Variants in ACADVL observed in about 807,000 individuals in gnomAD.
ACADVL encodes acyl-CoA dehydrogenase very long chain, also known as very long-chain acyl-CoA dehydrogenase, mitochondrial.
In ACADVL, 73 loss-of-function variants were observed where a neutral mutation model predicts 80.4. That is an observed-to-expected ratio of 0.91 (90% CI 0.75 to 1.10). The LOEUF (loss-of-function observed/expected upper bound fraction) is 1.10, where lower values mean the gene tolerates loss of function less well. Among genes scored for constraint, ACADVL ranks in the 50% least tolerant of loss-of-function variants. The pLI is 0.00. For synonymous variants in ACADVL, 392 were observed against 326.5 expected (o/e 1.20, Z -2.16); for missense variants, 878 against 858.9 (o/e 1.02, Z -0.28).
rs772517697 is a variant in ACADVL at position 7,222,164 on chromosome 17, C to T, written c.753-13C>T. ...CCCGTCCTCCACGCCCTGAATATCC[C>T]ATTCTTCCACAGTAATGGGGGCCTA... On this transcript the variant is annotated splice_polypyrimidine_tract_variant and intron_variant, in intron 8 of 19. Coordinates refer to ENST00000356839, the MANE Select transcript of ACADVL (RefSeq NM_000018.4). The T allele has an allele frequency of 6.2e-6, 10 of 1,614,190 alleles. No homozygotes were observed. The highest frequency in any genetic ancestry group is 8.5e-6 in the Non-Finnish European group (10 of 1,180,042).
chr17:7,224,666 TG>T lies in ACADVL; in HGVS notation c.1705del (p.Ala569GlnfsTer21). On this transcript the variant is annotated frameshift_variant, in exon 18 of 20. Coordinates refer to ENST00000356839, the MANE Select transcript of ACADVL (RefSeq NM_000018.4). LOFTEE classifies it high-confidence loss of function. The part of the protein sequence containing the change: ...IVNEQFLLQR[L>X]ADGAIDLYAM... ...GATGAACAGTTTCTGCTGCAGCGGC[TG>T]GCAGACGGGGCCATCGACCTCTATG... The T allele has an allele frequency of 1.5e-6, 2 of 1,308,696 alleles. No individual in the cohort carries two copies. The highest frequency in any genetic ancestry group is 2.0e-6 in the Non-Finnish European group (2 of 1,001,692). The allele number at this position is 1,308,696 out of a possible 1,614,324, so 81.1% of individuals were successfully genotyped here.
intron 17 of ACADVL, 33 bp from the exon 18 acceptor site, chr17:7,224,609 C>G: frequency 9.5e-7 from 1 of 1,057,160 alleles, no homozygotes; most frequent in Non-Finnish European, 1.3e-6. Context: ...GACTAATGCC[C>G]CCACCCCCAC....
upstream of ACADVL, chr17:7,219,860 C>G (rs748217172): frequency 7.1e-6 from 11 of 1,538,892 alleles, no homozygotes; most frequent in Non-Finnish European, 8.7e-7. Flanking sequence ...CCCCGGGGCC[C>G]GCAACCGTCC....
rs757608507 is a variant in ACADVL at position 7,220,817 on chromosome 17, C to T, written c.329C>T (p.Ser110Phe). The change falls in exon 5 of 20, where the codon TCC (serine) becomes TTC (phenylalanine). Residue 110 changes from serine (S) to phenylalanine (F), a missense_variant. Coordinates refer to ENST00000356839, the MANE Select transcript of ACADVL (RefSeq NM_000018.4). ...CTTAAAGAGCTGGTGGAGCCTGTGTCCCGTTTCTTCGAGGTAAGGAATGAC... is the reference window on the plus strand; with the variant it reads ...CTTAAAGAGCTGGTGGAGCCTGTGTTCCGTTTCTTCGAGGTAAGGAATGAC... ...QFLKELVEPV[S>F]RFFEEVNDPA... is the part of the protein sequence containing the mutation. The T allele has an allele frequency of 1.2e-6, 2 of 1,614,046 alleles. No individual in the cohort carries two copies. Among genetic ancestry groups the T allele is most frequent in the Middle Eastern group, 1.6e-4 (1 of 6,062 alleles).
At chr17:7,218,736 A>T, upstream of ACADVL, 1 of 1,575,914 alleles carries the variant, frequency 6.3e-7, no homozygotes, top group Admixed American at 1.7e-5. Context: ...CCTTCACCCC[A>T]GCCCCTACGG....
chr17:7,223,158 A>C lies in ACADVL; in HGVS notation c.1103A>C (p.Gln368Pro), dbSNP rs776063244. 1 of 1,614,066 alleles carries C rather than the reference A, an allele frequency of 6.2e-7. No individual in the cohort carries two copies. The highest frequency in any genetic ancestry group is 8.5e-7 in the Non-Finnish European group (1 of 1,179,938). Reference protein sequence around the residue: ...KAVDHATNRTQFGEKIHNFGL... With the variant: ...KAVDHATNRTPFGEKIHNFGL... ...GTAGATCATGCCACTAATCGTACCC[A>C]GTTTGGGGAGAAAATTCACAACTTT... The change falls in exon 11 of 20, where the codon CAG becomes CCG. Residue 368 changes from glutamine to proline, a missense_variant. By Grantham distance (76) the Gln-to-Pro change is moderately conservative (BLOSUM62 -1). Transcript: ENST00000356839.
At chr17:7,223,466 C>T (rs187772928) in intron 11 of ACADVL, 178 bp from the exon 12 acceptor site, 78 of 836,464 alleles carry the variant, frequency 9.3e-5, no homozygotes, top group Middle Eastern at 2.2e-4. Flanking sequence ...TCATCCCTTA[C>T]ATCCACCCCT....
At chr17:7,217,152 G>C (rs2070955254), upstream of ACADVL, 2 of 1,291,284 alleles carry the variant, frequency 1.5e-6, no homozygotes, top group Middle Eastern at 2.4e-4. Context: ...GTCCATGTTG[G>C]GGGGCCTGGC....
chr17:7,219,449 T>C, upstream of ACADVL: 1 of 1,027,864 alleles, frequency 9.7e-7, no homozygotes. Context: ...ATGGCCTACA[T>C]CTCAGAAGAA....
At chr17:7,217,204 T>G, upstream of ACADVL, 1 of 1,258,438 alleles carries the variant, frequency 7.9e-7, no homozygotes, top group African/African-American at 1.6e-5. Flanking sequence ...CGGAGTTTCG[T>G]TCCTCCCCTC....
At chr17:7,222,948 G>C in intron 10 of ACADVL, 83 bp downstream of exon 10, 1 of 1,543,872 alleles carries the variant, frequency 6.5e-7, no homozygotes, top group Non-Finnish European at 8.8e-7. Flanking sequence ...TCACTTGCAG[G>C]CACTCCCTAC....
At chr17:7,218,351 C>A, upstream of ACADVL, 1 of 1,524,680 alleles carries the variant, frequency 6.6e-7, no homozygotes, top group Non-Finnish European at 8.9e-7. Context: ...CCTGTCATCA[C>A]CGCTGCTGGC....
chr17:7,221,383 ACTT>A (rs1054411507), intron 6 of ACADVL, 152 bp from the exon 7 acceptor site: 6 of 1,347,238 alleles, frequency 4.5e-6, no homozygotes, highest in South Asian at 1.2e-5. Context: ...TGCACACCCC[ACTT>A]CTTTTCTACA....
At chr17:7,219,026 C>T (rs1567557829), upstream of ACADVL, 7 of 675,056 alleles carry the variant, frequency 1.0e-5, no homozygotes, top group South Asian at 5.3e-5. Context: ...ACCCTGGCCC[C>T]CTCTTCCCAT....
chr17:7,222,428 T>C, intron 9 of ACADVL, 126 bp downstream of exon 9: 1 of 1,405,028 alleles, frequency 7.1e-7, no homozygotes, highest in Non-Finnish European at 9.6e-7. Flanking sequence ...AATGTGGCCT[T>C]TGGGACTAAT....
At chr17:7,221,102 C>T in intron 6 of ACADVL, 44 bp downstream of exon 6, 2 of 1,611,710 alleles carry the variant, frequency 1.2e-6, no homozygotes, top group Non-Finnish European at 1.7e-6. Flanking sequence ...CATACCCCAG[C>T]TTGGCAGACT....
At position 7,222,874 on chromosome 17, in the gene ACADVL, C is replaced by G. The variant is rs2142980927; in HGVS notation, c.1077+9C>G. The G allele has an allele frequency of 1.9e-6, 3 of 1,610,160 alleles. No homozygotes were observed. The highest frequency in any genetic ancestry group is 2.2e-5 in the East Asian group (1 of 44,880). Reference sequence around the variant, plus strand: ...GCATCATTGCTAAGGCGGTGAGTACCCTGCCCGAGTCCCTAGGTAACCCAA... The same window carrying G: ...GCATCATTGCTAAGGCGGTGAGTACGCTGCCCGAGTCCCTAGGTAACCCAA... On this transcript the variant is annotated intron_variant, in intron 10 of 19. Transcript: ENST00000356839.
chr17:7,220,675 C>T lies in ACADVL; in HGVS notation c.276C>T (p.Ser92=), dbSNP rs530278910. 1.5e-5 allele frequency: 24 copies of T among 1,614,186 alleles called. No homozygotes were observed. The Admixed American group carries it at 3.7e-4, about 25-fold the overall frequency. The change falls in exon 4 of 20, where the codon TCC becomes TCT. Residue 92 remains serine (S), a splice_region_variant and synonymous_variant. Transcript: ENST00000356839. ...CAGATCAGGTGTTCCCATACCCGTC[C>T]GGTAAGGGAAGGGATAATCAGAGCT... The part of the protein sequence containing the change: ...LTTDQVFPYP[S]VLNEEQTQFL...
chr17:7,222,605 GT>G, intron 9 of ACADVL, 61 bp from the exon 10 acceptor site: 2 of 1,508,652 alleles, frequency 1.3e-6, no homozygotes, highest in South Asian at 1.2e-5. Context: ...CGAAGGAGCA[GT>G]TTTTCCCCCA....
Sources: allele counts gnomAD v4.1 joint callset, GRCh38; gene constraint gnomAD v4.1.1; transcripts MANE v1.5; gene names NCBI Gene and HGNC (gene_info 2026-07-23, HGNC 2026-07-21).